The following CENPE variants were observed in gnomAD, a reference collection of about 807,000 sequenced individuals.
The protein encoded by CENPE is centromere-associated protein E.
In CENPE, 145 loss-of-function variants were observed where a neutral mutation model predicts 336.1. The observed-to-expected ratio is 0.43, with a 90% CI of 0.38 to 0.50. The LOEUF is 0.50. CENPE is among the 20% of genes least tolerant of loss of function. CENPE has a pLI of 0.00. For synonymous variants in CENPE, 1,013 were observed against 984.8 expected, an observed-to-expected ratio of 1.03 and a Z score of -0.54; for missense variants, 2,719 against 3,023.3, an observed-to-expected ratio of 0.90 and a Z score of 2.36.
chr4:103,114,662 TG>T (rs1560591148), intron 45 of CENPE, 110 bp from the exon 46 acceptor site: 1 of 676,758 alleles, frequency 1.5e-6, no homozygotes, highest in Non-Finnish European at 2.6e-6. Flanking sequence ...ACATAATGCC[TG>T]TAAGTGGCAG....
At chr4:103,117,677 G>C (rs963338582) in intron 44 of CENPE, among the ~76,000 whole-genome samples, 2 of 147,998 alleles carry the variant, frequency 1.4e-5, no homozygotes, top group African/African-American at 5.1e-5. Context: ...ACCTAGGCTG[G>C]GGTGCAGTGG....
At position 103,145,111 on chromosome 4, in the gene CENPE, T is replaced by G. The variant is rs368406823; in HGVS notation, c.4796A>C (p.Gln1599Pro). The change falls in exon 32 of 49, where the codon CAG (glutamine) becomes CCG (proline). Residue 1599 changes from glutamine (Q) to proline (P), a missense_variant. By Grantham distance (76) the Gln-to-Pro change is moderately conservative (BLOSUM62 -1). Coordinates refer to ENST00000265148, the MANE Select transcript of CENPE (RefSeq NM_001813.3). ...IKEKEEMKRV[Q>P]EALQIERDQL... ...GTCTCTCTCTATCTGAAGGGCCTCC[T>G]GTACTCTTTTCATTTCCTCTTTTTC... 6.2e-7 allele frequency: 1 copy of G among 1,610,492 alleles called. No homozygotes were observed. Among genetic ancestry groups the G allele is most frequent in the Non-Finnish European group, 8.5e-7 (1 of 1,178,548 alleles).
chr4:103,116,748 T>A (rs1213184247), intron 44 of CENPE, 59 bp from the exon 45 acceptor site: 5 of 837,698 alleles, frequency 6.0e-6, no homozygotes, highest in South Asian at 1.7e-5. Flanking sequence ...TTTCTCCAGT[T>A]GTAAAGAATG....
chr4:103,155,532 T>C (rs1203745218), intron 24 of CENPE, among the ~76,000 whole-genome samples: 2 of 152,074 alleles, frequency 1.3e-5, no homozygotes, highest in Non-Finnish European at 2.9e-5. Context: ...AGGCCGGTCT[T>C]GAACTCCTGG....
chr4:103,111,183 T>C (rs1242906961), intron 46 of CENPE, among the ~76,000 whole-genome samples, 172 bp from the exon 47 acceptor site: 1 of 152,194 alleles, frequency 6.6e-6, no homozygotes, highest in African/African-American at 2.4e-5. Context: ...CTCTGCTTAT[T>C]TGACCAACCA....
Position 103,177,115 on chromosome 4 carries a change from G to A in CENPE, c.1243-69C>T, listed in dbSNP as rs564439551. ...CAAACATAATAAAACAAGGGAACTA[G>A]TTTCTATTTTTGAAAACCATTGACT... On this transcript the variant is annotated intron_variant, in intron 13 of 48. Transcript: ENST00000265148. 2.1e-5 allele frequency: 28 copies of A among 1,305,082 alleles called. No homozygotes were observed. The Admixed American group carries it at 4.8e-4, about 23-fold the overall frequency. The allele number at this position is 1,305,082 out of a possible 1,614,324, so 80.8% of individuals were successfully genotyped here.
intron 2 of CENPE, 85 bp from the exon 3 acceptor site, chr4:103,196,337 C>A: frequency 9.9e-7 from 1 of 1,013,160 alleles, no homozygotes; most frequent in Non-Finnish European, 1.5e-6. Context: ...TAATTATTCC[C>A]AAAAGTAAAA....
Position 103,105,958 on chromosome 4 carries a change from T to G in CENPE, c.*264A>C. On this transcript the variant is annotated 3_prime_UTR_variant, in exon 49 of 49. Coordinates refer to ENST00000265148, the MANE Select transcript of CENPE (RefSeq NM_001813.3). ...TAACTTTACATTTCTTTCAATAACTTTATTCTTTACAAAATATACAAATAA... is the reference window on the plus strand; with the variant it reads ...TAACTTTACATTTCTTTCAATAACTGTATTCTTTACAAAATATACAAATAA... 3.9e-6 allele frequency: 1 copy of G among 256,492 alleles called. No individual in the cohort carries two copies. The allele number at this position is 256,492 out of a possible 1,614,324, so 15.9% of individuals were successfully genotyped here.
At chr4:103,129,294 T>G (rs1171193243) in intron 42 of CENPE, among the ~76,000 whole-genome samples, 1 of 151,972 alleles carries the variant, frequency 6.6e-6, no homozygotes, top group Non-Finnish European at 1.5e-5. Context: ...TTTAAGAAAT[T>G]TAAGGAAAAA....
chr4:103,172,950 G>C (rs1434263485), intron 16 of CENPE, among the ~76,000 whole-genome samples: 1 of 151,942 alleles, frequency 6.6e-6, no homozygotes, highest in Non-Finnish European at 1.5e-5. Flanking sequence ...ATCCACAGAT[G>C]TAATGCGATA....
chr4:103,136,103 T>C, intron 40 of CENPE, 38 bp downstream of exon 40: 9 of 1,520,098 alleles, frequency 5.9e-6, no homozygotes, highest in Non-Finnish European at 8.1e-6. Flanking sequence ...TGTTTATAAC[T>C]GAAATATTTA....
chr4:103,140,874 C>T lies in CENPE; in HGVS notation c.5694G>A (p.Glu1898=), dbSNP rs1440987642. The T allele has an allele frequency of 6.2e-7, 1 of 1,611,818 alleles. No individual in the cohort carries two copies. The highest frequency in any genetic ancestry group is 8.5e-7 in the Non-Finnish European group (1 of 1,179,234). ...GGTCTCTCTCCAGTTTGAGTGTCTC[C>T]TCTACTCTTCTTAGATTATCTCTTT... ...MKERDNLRRV[E]ETLKLERDQL... The change falls in exon 36 of 49, where the codon GAG becomes GAA. Residue 1898 remains glutamate (E), a synonymous_variant. Transcript: ENST00000265148.
chr4:103,177,081 A>C (rs1010104424), intron 13 of CENPE, 35 bp from the exon 14 acceptor site: 1 of 1,528,900 alleles, frequency 6.5e-7, no homozygotes. Flanking sequence ...TGTCATATAG[A>C]TCTGTATTCA....
At chr4:103,111,178 C>G (rs1031575367) in intron 46 of CENPE, among the ~76,000 whole-genome samples, 167 bp from the exon 47 acceptor site, 1 of 152,208 alleles carries the variant, frequency 6.6e-6, no homozygotes, top group African/African-American at 2.4e-5. Flanking sequence ...ACTCCCTCTG[C>G]TTATTTGACC....
At chr4:103,133,562 C>A (rs1218787865) in intron 41 of CENPE, 133 bp downstream of exon 41, 2 of 660,768 alleles carry the variant, frequency 3.0e-6, no homozygotes, top group Non-Finnish European at 5.2e-6. Flanking sequence ...GTCTTTATGT[C>A]TGGCCAGGTA....
At chr4:103,184,415 G>A (rs1756578172) in intron 9 of CENPE, among the ~76,000 whole-genome samples, 1 of 152,096 alleles carries the variant, frequency 6.6e-6, no homozygotes, top group Non-Finnish European at 1.5e-5. Flanking sequence ...AGCTTTTAAG[G>A]CATCTGGACT....
intron 13 of CENPE, among the ~76,000 whole-genome samples, chr4:103,178,295 T>C (rs1756049325): frequency 6.6e-6 from 1 of 152,180 alleles, no homozygotes; most frequent in Non-Finnish European, 1.5e-5. Context: ...TAATGTTGCA[T>C]GGCAATATTC....
intron 43 of CENPE, among the ~76,000 whole-genome samples, chr4:103,121,545 C>CTGTCTTTT (rs1750619610): frequency 6.9e-6 from 1 of 145,782 alleles, no homozygotes; most frequent in African/African-American, 2.5e-5. Context: ...TCTTTTCTTT[C>CTGTCTTTT]TTTCTTTTTT....
At position 103,165,577 on chromosome 4, in the gene CENPE, A is replaced by G. The variant is rs973051535; in HGVS notation, c.1648-2024T>C. On this transcript the variant is annotated intron_variant, in intron 16 of 48. Coordinates refer to ENST00000265148, the MANE Select transcript of CENPE (RefSeq NM_001813.3). ...TAGGTTTTGGAACATATTTTGCTACATACACATAGACTTATATTTTTAGTT... is the reference window on the plus strand; with the variant it reads ...TAGGTTTTGGAACATATTTTGCTACGTACACATAGACTTATATTTTTAGTT... Among the ~76,000 whole-genome samples, 3 of 152,336 alleles carry G rather than the reference A, an allele frequency of 2.0e-5. No homozygotes were observed. In the East Asian group the frequency reaches 5.8e-4, roughly 29 times the overall value.
Sources: gnomAD v4.1 joint callset for allele counts (sites outside exome capture counted in the v4.1 genomes callset) on GRCh38, gnomAD v4.1.1 for gene constraint, MANE v1.5 for transcripts, NCBI Gene and HGNC (gene_info 2026-07-23, HGNC 2026-07-21) for gene names.